Variants in EVI5L observed in about 807,000 individuals in gnomAD.
EVI5L encodes EVI5-like protein.
EVI5L carries 30 observed loss-of-function variants against 106.1 expected under a neutral mutation model. The observed-to-expected ratio is 0.28, with a 90% confidence interval of 0.21 to 0.38. The LOEUF (loss-of-function observed/expected upper bound fraction) is 0.38. Among genes scored for constraint, EVI5L ranks in the 10% least tolerant of loss-of-function variants. EVI5L has a pLI of 1.00. For missense variants in EVI5L, 809 were observed against 1,098.0 expected, an observed-to-expected ratio of 0.74 and a Z score of 3.72; for synonymous variants, 489 against 483.3, an observed-to-expected ratio of 1.01 and a Z score of -0.15.
intron 2 of EVI5L, 136 bp downstream of exon 2, chr19:7,846,815 G>A: frequency 8.3e-7 from 1 of 1,209,176 alleles, no homozygotes; most frequent in South Asian, 1.6e-5. Context: ...GCTGGATGAG[G>A]GACAGACACC....
chr19:7,849,454 C>T, intron 5 of EVI5L, 124 bp downstream of exon 5: 1 of 1,042,114 alleles, frequency 9.6e-7, no homozygotes, highest in Non-Finnish European at 1.4e-6. Flanking sequence ...GATCCTCCTT[C>T]TCCATCCACA....
intron 1 of EVI5L, among the ~76,000 whole-genome samples, chr19:7,842,212 G>GTT (rs754971884): frequency 2.0e-5 from 1 of 50,578 alleles, no homozygotes; most frequent in Non-Finnish European, 5.1e-5. Context: ...GCATGTATAT[G>GTT]TGTGTGTGTG....
rs1011374034 is a variant in EVI5L, at chr19:7,857,412, G to C, written c.1233+288G>C. 7 of 579,568 alleles carry C rather than the reference G, an allele frequency of 1.2e-5. No individual in the cohort carries two copies. The highest frequency in any genetic ancestry group is 1.9e-5 in the African/African-American group (1 of 53,346). The allele number at this position is 579,568 out of a possible 1,614,324, so 35.9% of individuals were successfully genotyped here. A position where few individuals can be genotyped will look rare whatever the true frequency, so the allele number is the denominator to read the frequency against. On this transcript the variant is annotated intron_variant, in intron 12 of 19. Transcript: ENST00000538904. The surrounding 1 kb of genome is among the most constrained non-coding windows in gnomAD (Gnocchi z 4.5). ...CGGGCGACACAGGGTGGGGACCCAG[G>C]AGGGCTGGGGAACCTAAAACCATAT... is the stretch of plus-strand genomic sequence containing the variant.
chr19:7,841,109 G>A (rs1041267372), intron 1 of EVI5L, among the ~76,000 whole-genome samples: 2 of 152,062 alleles, frequency 1.3e-5, no homozygotes, highest in Non-Finnish European at 1.5e-5. Flanking sequence ...TCTCTGCCCC[G>A]GACACTCCAA....
Position 7,863,302 on chromosome 19 carries a change from G to A in EVI5L, c.2139+22G>A, listed in dbSNP as rs1979943807. On this transcript the variant is annotated intron_variant, in intron 19 of 19. Coordinates refer to ENST00000538904, the MANE Select transcript of EVI5L (RefSeq NM_001159944.3). The surrounding 1 kb of genome is among the most constrained non-coding windows in gnomAD (Gnocchi z 7.7). ...CGAGGTGAGCCGGCGCGGGGATGCC[G>A]GGGACAGGCCTGGGTGTCGTCGGCC... is the stretch of plus-strand genomic sequence containing the variant. 3.2e-6 allele frequency: 5 copies of A among 1,550,504 alleles called. No homozygotes were observed. The highest frequency in any genetic ancestry group is 3.5e-6 in the Non-Finnish European group (4 of 1,147,136).
Position 7,843,865 on chromosome 19 carries a change from TGA to T in EVI5L, c.-47-2625_-47-2624del, listed in dbSNP as rs112437529. ...CACGCTTCAGGAGGATGGTTTCCAC[TGA>T]GAGAGTCTGGGGATGAGTGGAGAGA... On this transcript the variant is annotated intron_variant, in intron 1 of 19. Coordinates refer to ENST00000538904, the MANE Select transcript of EVI5L (RefSeq NM_001159944.3). Among the ~76,000 whole-genome samples the T allele has an allele frequency of 6.7e-3, 1,015 of 152,130 alleles. 13 individuals are homozygous for T. Among genetic ancestry groups the T allele is most frequent in the African/African-American group, 0.024 (977 of 41,482 alleles).
chr19:7,849,879 C>A, intron 5 of EVI5L, 118 bp from the exon 6 acceptor site: 2 of 778,368 alleles, frequency 2.6e-6, no homozygotes, highest in Non-Finnish European at 4.2e-6. Context: ...TCATGAGAGT[C>A]TAGGGAGCCA....
At position 7,847,810 on chromosome 19, in the gene EVI5L, C is replaced by G; in HGVS notation, c.216C>G (p.Ser72Arg). Residue 72 changes from serine to arginine, a missense_variant, in exon 3 of 20, where the codon AGC becomes AGG. Physicochemically the swap from Ser to Arg is moderately radical, Grantham distance 110. This residue lies in a region of EVI5L where 357 missense variants were observed against 588.1 expected (regional missense o/e 0.61). Coordinates refer to ENST00000538904, the MANE Select transcript of EVI5L (RefSeq NM_001159944.3). Reference sequence around the variant, plus strand: ...ACAGTGGCTCCTCGCTAGTGTCCAGCTCCTCGGCCTCCTCCAACCTGAGCC... The same window carrying G: ...ACAGTGGCTCCTCGCTAGTGTCCAGGTCCTCGGCCTCCTCCAACCTGAGCC... ...RRNSGSSLVSSSSASSNLSHL... is the reference protein window; with the variant it reads ...RRNSGSSLVSRSSASSNLSHL... 6.2e-7 allele frequency: 1 copy of G among 1,612,364 alleles called. No homozygotes were observed. Among genetic ancestry groups the G allele is most frequent in the Non-Finnish European group, 8.5e-7 (1 of 1,179,448 alleles).
chr19:7,837,119 T>C (rs1039510618), intron 1 of EVI5L, among the ~76,000 whole-genome samples: 1 of 148,272 alleles, frequency 6.7e-6, no homozygotes, highest in South Asian at 2.2e-4. Flanking sequence ...TCACCTGAGG[T>C]CAGGAGTTCA....
In EVI5L at chr19:7,850,258, C is replaced by A; in HGVS notation, c.753+136C>A. ...CGGGCACCTCTTGGACTGAAAATTC[C>A]AAGCCTGTGAAATCACACCTGGACG... On this transcript the variant is annotated intron_variant, in intron 6 of 19. Transcript: ENST00000538904. This position sits in a 1 kb window ranked among gnomAD's most constrained non-coding sequence, Gnocchi z 5.4. The A allele has an allele frequency of 7.6e-7, 1 of 1,317,802 alleles. No individual in the cohort carries two copies. Among genetic ancestry groups the A allele is most frequent in the Non-Finnish European group, 1.0e-6 (1 of 983,734 alleles). 81.6% of individuals were successfully genotyped at this position (1,317,802 alleles called of 1,614,324 possible).
At position 7,856,668 on chromosome 19, in the gene EVI5L, T is replaced by C. The variant is rs1056878324; in HGVS notation, c.1201-424T>C. On this transcript the variant is annotated intron_variant, in intron 11 of 19. Coordinates refer to ENST00000538904, the MANE Select transcript of EVI5L (RefSeq NM_001159944.3). The surrounding 1 kb of genome is among the most constrained non-coding windows in gnomAD (Gnocchi z 6.6). ...GGTTGGCAGCCGGATTTGGTTGCCC[T>C]CACCCCAAAGCCTTGTTCTGCCTTA... Among the ~76,000 whole-genome samples the C allele has an allele frequency of 2.6e-5, 4 of 152,028 alleles. No individual in the cohort carries two copies. The highest frequency in any genetic ancestry group is 9.7e-5 in the African/African-American group (4 of 41,400).
chr19:7,838,438 G>C (rs1183291455), intron 1 of EVI5L, among the ~76,000 whole-genome samples: 1 of 152,196 alleles, frequency 6.6e-6, no homozygotes. Flanking sequence ...GGTTAGACTG[G>C]GGTCTTGGGG....
At chr19:7,855,341 C>T (rs1265479836) in intron 10 of EVI5L, among the ~76,000 whole-genome samples, 1 of 152,094 alleles carries the variant, frequency 6.6e-6, no homozygotes, top group Non-Finnish European at 1.5e-5. Context: ...ATTTGCCTGC[C>T]TCGGCCTCCC....
chr19:7,852,176 C>A (rs537004665), intron 8 of EVI5L, among the ~76,000 whole-genome samples: 1 of 152,356 alleles, frequency 6.6e-6, no homozygotes, highest in South Asian at 2.1e-4. Flanking sequence ...GGCAACCTCA[C>A]GCCTTGCCCC....
intron 1 of EVI5L, among the ~76,000 whole-genome samples, chr19:7,844,784 G>A (rs561748793): frequency 2.6e-5 from 4 of 152,314 alleles, no homozygotes; most frequent in South Asian, 4.1e-4. Flanking sequence ...CTAGGGGAAC[G>A]CTTGAGGGCC....
chr19:7,846,554 C>G lies in EVI5L; in HGVS notation c.12C>G (p.Pro4=). 6.2e-7 allele frequency: 1 copy of G among 1,610,820 alleles called. No individual in the cohort carries two copies. Residue 4 remains proline, a synonymous_variant, in exon 2 of 20, where the codon CCC becomes CCG. Coordinates refer to ENST00000538904, the MANE Select transcript of EVI5L (RefSeq NM_001159944.3). MAS[P]TLSPDSSSQE... Reference sequence around the variant, plus strand: ...CAAGCCCACCCACCATGGCGAGCCCCACTCTGAGCCCCGACTCCTCATCCC... The same window carrying G: ...CAAGCCCACCCACCATGGCGAGCCCGACTCTGAGCCCCGACTCCTCATCCC...
At chr19:7,851,646 C>T in intron 7 of EVI5L, 35 bp from the exon 8 acceptor site, 2 of 1,589,366 alleles carry the variant, frequency 1.3e-6, no homozygotes, top group Non-Finnish European at 1.7e-6. Context: ...AGCCTCCCTG[C>T]CCTCCACCTC....
In EVI5L at chr19:7,863,045, G is replaced by A. The variant is rs1445910744; in HGVS notation, c.2021G>A (p.Arg674His). 6.4e-7 allele frequency: 1 copy of A among 1,567,944 alleles called. No homozygotes were observed. Among genetic ancestry groups the A allele is most frequent in the Non-Finnish European group, 8.6e-7 (1 of 1,164,178 alleles). Residue 674 changes from arginine to histidine, a missense_variant, in exon 18 of 20, where the codon CGC becomes CAC. Arg to His is a conservative substitution (Grantham distance 29, BLOSUM62 0). Around this residue, in one of 2 missense-constraint regions of EVI5L, gnomAD observed 452 missense variants for 509.9 expected, o/e 0.89. Transcript: ENST00000538904. This position sits in a 1 kb window ranked among gnomAD's most constrained non-coding sequence, Gnocchi z 7.7. ...SMAAVAEMRQ[R>H]IAELEIQREE... Reference sequence around the variant, plus strand: ...GCTGCGGTGGCCGAGATGCGGCAGCGCATTGCCGAGCTGGAGATCCAGGTG... The same window carrying A: ...GCTGCGGTGGCCGAGATGCGGCAGCACATTGCCGAGCTGGAGATCCAGGTG...
Position 7,857,981 on chromosome 19 carries a change from G to T in EVI5L, c.1234-210G>T. 1 of 580,032 alleles carries T rather than the reference G, an allele frequency of 1.7e-6. No homozygotes were observed. 35.9% of individuals were successfully genotyped at this position (580,032 alleles called of 1,614,324 possible). A position where few individuals can be genotyped will look rare whatever the true frequency, so the allele number is the denominator to read the frequency against. On this transcript the variant is annotated intron_variant, in intron 12 of 19. Coordinates refer to ENST00000538904, the MANE Select transcript of EVI5L (RefSeq NM_001159944.3). This position sits in a 1 kb window ranked among gnomAD's most constrained non-coding sequence, Gnocchi z 4.5. ...GCCCAGGGCTAGCTCTGTTCCTCCCGGGCTCCTCCAGGTGTCCTATTCCTG... is the reference window on the plus strand; with the variant it reads ...GCCCAGGGCTAGCTCTGTTCCTCCCTGGCTCCTCCAGGTGTCCTATTCCTG...
Sources: gnomAD v4.1 joint callset for allele counts (sites outside exome capture counted in the v4.1 genomes callset) on GRCh38, gnomAD v4.1.1 for gene constraint, gnomAD v4.1.1 regional missense constraint, Gnocchi (gnomAD v3.1) non-coding constraint, MANE v1.5 for transcripts, NCBI Gene and HGNC (gene_info 2026-07-23, HGNC 2026-07-21) for gene names.